ARAP2: variants seen among roughly 807,000 people sequenced by gnomAD.
The protein encoded by ARAP2 is ArfGAP with RhoGAP domain, ankyrin repeat and PH domain 2.
ARAP2 carries 148 observed loss-of-function variants against 194.5 expected under a neutral mutation model. The observed-to-expected ratio is 0.76, with a 90% CI of 0.67 to 0.87. ARAP2 has a LOEUF of 0.87. Ranked by LOEUF, ARAP2 falls within the 40% of genes least tolerant of loss-of-function variation. ARAP2 has a pLI of 0.00. For missense variants in ARAP2, 2,128 were observed against 1,989.7 expected (o/e 1.07, Z -1.32); for synonymous variants, 695 against 683.5 (o/e 1.02, Z -0.26).
chr4:36,166,753 T>G (rs1735373195), intron 10 of ARAP2, among the ~76,000 whole-genome samples, 179 bp downstream of exon 10: 1 of 152,084 alleles, frequency 6.6e-6, no homozygotes, highest in Non-Finnish European at 1.5e-5. Flanking sequence ...GTTTTGTGAT[T>G]ATTGAGGTCA....
intron 31 of ARAP2, among the ~76,000 whole-genome samples, chr4:36,075,770 C>T (rs1378182114): frequency 6.6e-6 from 1 of 152,138 alleles, no homozygotes; most frequent in Non-Finnish European, 1.5e-5. Context: ...CCTAATTAAA[C>T]ACAATTCAGC....
At chr4:36,243,094 TAA>T (rs34480407) in intron 1 of ARAP2, among the ~76,000 whole-genome samples, 1 of 148,172 alleles carries the variant, frequency 6.7e-6, no homozygotes, top group Non-Finnish European at 1.5e-5. Flanking sequence ...AAATAAGAGT[TAA>T]AAAAAAAAGA....
At chr4:36,068,558 C>CA (rs1275057256) in intron 32 of ARAP2, among the ~76,000 whole-genome samples, 1 of 152,166 alleles carries the variant, frequency 6.6e-6, no homozygotes, top group Admixed American at 6.5e-5. Flanking sequence ...AAGCATACTT[C>CA]AAATTCTGAA....
intron 5 of ARAP2, among the ~76,000 whole-genome samples, chr4:36,211,524 C>G (rs1264766499): frequency 6.6e-6 from 1 of 152,036 alleles, no homozygotes; most frequent in Non-Finnish European, 1.5e-5. Context: ...TTCTAAAAAC[C>G]ATTACTGCCT....
At chr4:36,077,214 C>T (rs1013099518) in intron 31 of ARAP2, among the ~76,000 whole-genome samples, 3 of 151,972 alleles carry the variant, frequency 2.0e-5, no homozygotes, top group Non-Finnish European at 2.9e-5. Flanking sequence ...ACTGGAAAGC[C>T]CATTTGCATA....
At chr4:36,146,362 A>G (rs1729618958) in intron 19 of ARAP2, among the ~76,000 whole-genome samples, 1 of 152,020 alleles carries the variant, frequency 6.6e-6, no homozygotes, top group Non-Finnish European at 1.5e-5. Context: ...TCTCAAACTG[A>G]GCAGCTTCCC....
intron 12 of ARAP2, among the ~76,000 whole-genome samples, chr4:36,161,146 AACACACACACACACACACACAC>A (rs36207295): frequency 6.8e-6 from 1 of 147,890 alleles, no homozygotes; most frequent in Non-Finnish European, 1.5e-5. Flanking sequence ...CACACACACA[AACACACACACACACACACACAC>A]ACACACACAC....
intron 8 of ARAP2, among the ~76,000 whole-genome samples, chr4:36,015,152 T>A (rs776381266): frequency 6.6e-6 from 1 of 152,222 alleles, no homozygotes; most frequent in Non-Finnish European, 1.5e-5. Flanking sequence ...TAAGAAACTA[T>A]TATTTGGATA....
At chr4:36,191,743 C>T (rs6819322) in intron 7 of ARAP2, among the ~76,000 whole-genome samples, 136,577 of 152,046 alleles carry the variant, frequency 0.9, 61,462 homozygotes, top group East Asian at 1. Flanking sequence ...CTAGGGCAAG[C>T]CTGTCATTTA....
intron 1 of ARAP2, among the ~76,000 whole-genome samples, chr4:36,240,958 A>T (rs920707545): frequency 4.6e-5 from 7 of 152,208 alleles, no homozygotes; most frequent in Admixed American, 4.6e-4. Flanking sequence ...ATATCGCAAT[A>T]GTTAAATGCT....
Position 36,160,644 on chromosome 4 carries a change from G to C in ARAP2, c.2260-3C>G. The C allele has an allele frequency of 7.4e-7, 1 of 1,346,160 alleles. No homozygotes were observed. Among genetic ancestry groups the C allele is most frequent in the East Asian group, 3.0e-5 (1 of 33,612 alleles). 83.4% of individuals were successfully genotyped at this position (1,346,160 alleles called of 1,614,324 possible). A position where few individuals can be genotyped will look rare whatever the true frequency, so the allele number is the denominator to read the frequency against. ...TTGTTTCCAATGACAATAAAAAGCTGAATTGTCAAAAAAAAAACCCCATAA... is the reference window on the plus strand; with the variant it reads ...TTGTTTCCAATGACAATAAAAAGCTCAATTGTCAAAAAAAAAACCCCATAA... On this transcript the variant is annotated splice_region_variant and splice_polypyrimidine_tract_variant and intron_variant, in intron 12 of 32. Transcript: ENST00000303965.
At chr4:36,076,632 C>T (rs1408632804) in intron 31 of ARAP2, among the ~76,000 whole-genome samples, 1 of 151,866 alleles carries the variant, frequency 6.6e-6, no homozygotes, top group Non-Finnish European at 1.5e-5. Context: ...CTTCCCTCTC[C>T]ACCTCCATGC....
At chr4:36,026,121 A>T (rs1717866333) in intron 5 of ARAP2, among the ~76,000 whole-genome samples, 1 of 152,190 alleles carries the variant, frequency 6.6e-6, no homozygotes, top group Non-Finnish European at 1.5e-5. Context: ...GCTAATGAAA[A>T]TAGGCTCCAA....
At chr4:36,040,063 A>G (rs1720585793) in intron 5 of ARAP2, among the ~76,000 whole-genome samples, 1 of 152,218 alleles carries the variant, frequency 6.6e-6, no homozygotes, top group Admixed American at 6.5e-5. Context: ...ATAAATGGAC[A>G]TGTGTACTCT....
downstream of ARAP2, among the ~76,000 whole-genome samples, chr4:36,064,848 G>C (rs11940540): frequency 0.087 from 13,313 of 152,238 alleles, 682 homozygotes; most frequent in African/African-American, 0.13. Flanking sequence ...CCATAAAGGA[G>C]AGAAAAGACA....
chr4:36,027,580 A>T (rs1718142969), intron 5 of ARAP2, among the ~76,000 whole-genome samples: 1 of 151,920 alleles, frequency 6.6e-6, no homozygotes, highest in Non-Finnish European at 1.5e-5. Context: ...AAATAACCAC[A>T]ACAATAACTA....
Position 36,147,584 on chromosome 4 carries a change from C to T in ARAP2, c.3163G>A (p.Gly1055Arg). 1.9e-6 allele frequency: 3 copies of T among 1,613,450 alleles called. No individual in the cohort carries two copies. The highest frequency in any genetic ancestry group is 2.5e-6 in the Non-Finnish European group (3 of 1,179,642). Reference protein sequence around the residue: ...HFCLQMQEVQGDRMHLRRLQE... With the variant: ...HFCLQMQEVQRDRMHLRRLQE... ...AGTCTTCTTAAGTGCATTCTATCTC[C>T]CTGAACTTCTTGCATTTGAAGGCAA... Residue 1055 changes from glycine to arginine, a missense_variant, in exon 18 of 33, where the codon GGA becomes AGA. Gly to Arg is a moderately radical substitution (Grantham distance 125). Transcript: ENST00000303965.
intron 5 of ARAP2, among the ~76,000 whole-genome samples, chr4:36,029,603 A>C (rs995213193): frequency 2.6e-5 from 4 of 152,030 alleles, no homozygotes; most frequent in Non-Finnish European, 5.9e-5. Context: ...GTTGATTTCT[A>C]CTTATGAATA....
chr4:36,222,589 T>C (rs1749421337), intron 2 of ARAP2, among the ~76,000 whole-genome samples: 1 of 152,084 alleles, frequency 6.6e-6, no homozygotes, highest in South Asian at 2.1e-4. Context: ...GTAGTAAAAG[T>C]ACAAAAGCAT....
Sources: gnomAD v4.1 joint callset for allele counts (sites outside exome capture counted in the v4.1 genomes callset) on GRCh38, gnomAD v4.1.1 for gene constraint, MANE v1.5 for transcripts, NCBI Gene and HGNC (gene_info 2026-07-23, HGNC 2026-07-21) for gene names.